Variants in ADGRL3 observed in about 807,000 individuals in gnomAD.
ADGRL3 encodes adhesion G protein-coupled receptor L3, also known as calcium-independent alpha-latrotoxin receptor 3.
In ADGRL3, 62 loss-of-function variants were observed where a neutral mutation model predicts 153.5. That is an observed-to-expected ratio of 0.40 (90% confidence interval 0.33 to 0.50). ADGRL3 has a LOEUF of 0.50. ADGRL3 is among the 20% of genes least tolerant of loss of function. ADGRL3 has a pLI of 0.47. For missense variants in ADGRL3, 1,641 were observed against 1,859.4 expected, an observed-to-expected ratio of 0.88 and a Z score of 2.16; for synonymous variants, 710 against 672.5, an observed-to-expected ratio of 1.06 and a Z score of -0.86.
chr4:61,567,611 C>A (rs1321619272), intron 4 of ADGRL3, among the ~76,000 whole-genome samples: 1 of 152,132 alleles, frequency 6.6e-6, no homozygotes, highest in Non-Finnish European at 1.5e-5. Context: ...TACATGTCTG[C>A]AGTTTGTGAG....
intron 2 of ADGRL3, among the ~76,000 whole-genome samples, chr4:61,424,143 A>C (rs929503960): frequency 6.6e-6 from 1 of 152,234 alleles, no homozygotes; most frequent in East Asian, 1.9e-4. Context: ...TGTCCCTCAC[A>C]GTGTCAGTGA....
chr4:61,914,397 A>C (rs535488425), intron 13 of ADGRL3, among the ~76,000 whole-genome samples: 4 of 152,272 alleles, frequency 2.6e-5, no homozygotes, highest in Non-Finnish European at 5.9e-5. Context: ...ATTTTATATA[A>C]GTTTTATGTG....
chr4:62,034,862 C>T (rs1724089819), intron 23 of ADGRL3, among the ~76,000 whole-genome samples: 1 of 151,724 alleles, frequency 6.6e-6, no homozygotes, highest in South Asian at 2.1e-4. Context: ...GATATATTCC[C>T]AGAGCTTCCA....
At chr4:61,816,771 T>A (rs1206344433) in intron 9 of ADGRL3, among the ~76,000 whole-genome samples, 1 of 152,054 alleles carries the variant, frequency 6.6e-6, no homozygotes, top group Non-Finnish European at 1.5e-5. Flanking sequence ...GGCTTCATGC[T>A]CTGCTGAGCC....
chr4:61,239,083 A>G (rs768610746), intron 1 of ADGRL3, among the ~76,000 whole-genome samples: 1 of 152,132 alleles, frequency 6.6e-6, no homozygotes, highest in Non-Finnish European at 1.5e-5. Context: ...AGGAATCCTT[A>G]TAGATAGATT....
chr4:61,676,709 T>G, intron 5 of ADGRL3, 117 bp from the exon 6 acceptor site: 1 of 740,816 alleles, frequency 1.3e-6, no homozygotes, highest in Non-Finnish European at 2.4e-6. Context: ...AGCCCCAAAT[T>G]AAGCAAAACC....
chr4:61,321,268 T>C (rs2095349789), intron 1 of ADGRL3, among the ~76,000 whole-genome samples: 1 of 152,128 alleles, frequency 6.6e-6, no homozygotes, highest in Non-Finnish European at 1.5e-5. Context: ...TGTATGTTCA[T>C]TGTTGAGGTG....
chr4:61,910,182 A>C (rs1000323970), intron 12 of ADGRL3, among the ~76,000 whole-genome samples: 1 of 151,822 alleles, frequency 6.6e-6, no homozygotes, highest in Non-Finnish European at 1.5e-5. Context: ...GAATGGATGG[A>C]TCTCTATCAT....
chr4:61,647,086 C>T (rs955869380), intron 5 of ADGRL3, among the ~76,000 whole-genome samples: 1 of 152,154 alleles, frequency 6.6e-6, no homozygotes, highest in Non-Finnish European at 1.5e-5. Context: ...AGGGAACTCC[C>T]TGACCCCTTG....
In ADGRL3 at chr4:61,388,310, A is replaced by C. The variant is rs73825174; in HGVS notation, c.-174+5121A>C. Among the ~76,000 whole-genome samples the C allele has an allele frequency of 7.9e-3, 1,209 of 152,284 alleles. 14 individuals carry two copies. The highest frequency in any genetic ancestry group is 0.025 in the African/African-American group (1,020 of 41,560). ...CAATGCCTATCTTAAGGACTACGTA[A>C]GTGTTTGTAAAATACACTACAGTTT... On this transcript the variant is annotated intron_variant, in intron 2 of 26. Coordinates refer to ENST00000683033, the MANE Select transcript of ADGRL3 (RefSeq NM_001387552.1).
chr4:61,895,874 A>G (rs907256878), intron 11 of ADGRL3, 40 bp downstream of exon 11: 5 of 1,172,828 alleles, frequency 4.3e-6, no homozygotes, highest in East Asian at 5.1e-5. Flanking sequence ...TGCTAAAACT[A>G]TATCATCTGT....
intron 8 of ADGRL3, among the ~76,000 whole-genome samples, chr4:61,746,610 G>C (rs1374401925): frequency 6.6e-6 from 1 of 152,088 alleles, no homozygotes; most frequent in Non-Finnish European, 1.5e-5. Flanking sequence ...AATGACTACT[G>C]GGTACATAAC....
intron 2 of ADGRL3, among the ~76,000 whole-genome samples, chr4:61,416,182 G>T (rs900666773): frequency 1.5e-4 from 23 of 151,880 alleles, no homozygotes; most frequent in Admixed American, 1.4e-3. Context: ...TTGTTAATTT[G>T]AAATTATTTC....
At chr4:61,850,352 T>C (rs2098187358) in intron 9 of ADGRL3, among the ~76,000 whole-genome samples, 1 of 152,150 alleles carries the variant, frequency 6.6e-6, no homozygotes, top group South Asian at 2.1e-4. Context: ...CAACCTAATG[T>C]GTAATAACTA....
chr4:61,927,669 A>C (rs1381691792), intron 13 of ADGRL3, among the ~76,000 whole-genome samples: 1 of 152,184 alleles, frequency 6.6e-6, no homozygotes, highest in Non-Finnish European at 1.5e-5. Context: ...CCTGCAAGTT[A>C]TAAACTGTTT....
At chr4:61,451,952 T>C (rs1217744220) in intron 2 of ADGRL3, among the ~76,000 whole-genome samples, 1 of 152,210 alleles carries the variant, frequency 6.6e-6, no homozygotes, top group Non-Finnish European at 1.5e-5. Flanking sequence ...TATTGAACTT[T>C]GATTTTGCAT....
intron 4 of ADGRL3, among the ~76,000 whole-genome samples, chr4:61,536,262 A>G: frequency 6.6e-6 from 1 of 151,942 alleles, no homozygotes. Flanking sequence ...ATATTATTTC[A>G]ATTCTTTCGA....
chr4:61,588,667 G>C (rs1163563216), intron 5 of ADGRL3, among the ~76,000 whole-genome samples: 1 of 151,840 alleles, frequency 6.6e-6, no homozygotes, highest in Admixed American at 6.6e-5. Flanking sequence ...TAAAAGTTTG[G>C]TTACATCTTG....
chr4:61,260,945 C>T (rs868543447), intron 1 of ADGRL3, among the ~76,000 whole-genome samples: 49 of 152,122 alleles, frequency 3.2e-4, no homozygotes, highest in African/African-American at 1.2e-3. Flanking sequence ...AGGCTGGGCT[C>T]GAACTCTTCA....
Sources: gnomAD v4.1 joint callset for allele counts (sites outside exome capture counted in the v4.1 genomes callset) on GRCh38, gnomAD v4.1.1 for gene constraint, MANE v1.5 for transcripts, NCBI Gene and HGNC (gene_info 2026-07-23, HGNC 2026-07-21) for gene names.